The following RPS6KC1 variants were observed in gnomAD, a reference collection of about 807,000 sequenced individuals.
RPS6KC1 encodes the protein inactive ribosomal protein S6 kinase delta-1.
RPS6KC1 carries 54 observed loss-of-function variants against 103.8 expected under a neutral mutation model. The observed-to-expected ratio is 0.52, with a 90% confidence interval of 0.42 to 0.65. RPS6KC1 has a LOEUF of 0.65. Among genes scored for constraint, RPS6KC1 ranks in the 30% least tolerant of loss-of-function variants. The pLI is 0.00. For missense variants in RPS6KC1, 1,151 were observed against 1,253.8 expected, an observed-to-expected ratio of 0.92 and a Z score of 1.24; for synonymous variants, 439 against 438.7, an observed-to-expected ratio of 1.00 and a Z score of -0.01.
intron 4 of RPS6KC1, among the ~76,000 whole-genome samples, chr1:213,108,772 C>T (rs1284397161): frequency 1.3e-5 from 2 of 151,874 alleles, no homozygotes. Flanking sequence ...CCTCCCACCT[C>T]AGCCTCCCAA....
chr1:213,153,855 G>A (rs1490080158), intron 6 of RPS6KC1, among the ~76,000 whole-genome samples: 1 of 152,076 alleles, frequency 6.6e-6, no homozygotes, highest in Admixed American at 6.6e-5. Context: ...ACTCTTCTAG[G>A]GTAAATGTTT....
intron 8 of RPS6KC1, among the ~76,000 whole-genome samples, chr1:213,225,453 G>A (rs1332865616): frequency 2.0e-5 from 3 of 151,860 alleles, no homozygotes; most frequent in Non-Finnish European, 2.9e-5. Context: ...GGAGTGGCGC[G>A]ATCTCAATTC....
the RPS6KC1 span, among the ~76,000 whole-genome samples, chr1:213,714,205 G>A: frequency 6.6e-6 from 1 of 152,204 alleles, no homozygotes; most frequent in Non-Finnish European, 1.5e-5. Context: ...ACCACATAGT[G>A]TAGGCCAACT....
At chr1:213,258,390 A>G (rs146486724) in intron 12 of RPS6KC1, among the ~76,000 whole-genome samples, 1 of 152,244 alleles carries the variant, frequency 6.6e-6, no homozygotes, top group African/African-American at 2.4e-5. Context: ...ATGATTAAAG[A>G]AAATGGAGCA....
the RPS6KC1 span, among the ~76,000 whole-genome samples, chr1:213,325,254 C>T: frequency 6.6e-6 from 1 of 152,190 alleles, no homozygotes; most frequent in Non-Finnish European, 1.5e-5. Flanking sequence ...CTCAATTACT[C>T]CGGCATCCGG....
At chr1:213,426,686 C>T in the RPS6KC1 span, among the ~76,000 whole-genome samples, 2 of 152,078 alleles carry the variant, frequency 1.3e-5, no homozygotes, top group South Asian at 2.1e-4. Flanking sequence ...TCACTGCTGC[C>T]GTTTAAATAG....
At chr1:213,228,819 A>C (rs569119868) in intron 8 of RPS6KC1, among the ~76,000 whole-genome samples, 33 of 152,322 alleles carry the variant, frequency 2.2e-4, no homozygotes, top group African/African-American at 6.0e-4. Flanking sequence ...TATAGCACAT[A>C]GTAAATGCTT....
At chr1:213,093,134 A>G (rs146800900) in intron 3 of RPS6KC1, among the ~76,000 whole-genome samples, 2 of 152,122 alleles carry the variant, frequency 1.3e-5, no homozygotes, top group African/African-American at 2.4e-5. Flanking sequence ...TTCATTTGTA[A>G]TGTTTGATAA....
chr1:213,240,798 T>C lies in RPS6KC1; in HGVS notation c.1322T>C (p.Val441Ala). 6.2e-7 allele frequency: 1 copy of C among 1,613,872 alleles called. No homozygotes were observed. Among genetic ancestry groups the C allele is most frequent in the South Asian group, 1.1e-5 (1 of 91,062 alleles). The change falls in exon 11 of 15, where the codon GTT (valine) becomes GCT (alanine). Residue 441 changes from valine to alanine, a missense_variant. Transcript: ENST00000366960. Reference protein sequence around the residue: ...KEVKKPTLAKVHLQQPTSSPQ... With the variant: ...KEVKKPTLAKAHLQQPTSSPQ... Reference sequence around the variant, plus strand: ...GTGAAAAAACCTACACTTGCAAAAGTTCACCTGCAGCAGCCAACTTCTAGT... The same window carrying C: ...GTGAAAAAACCTACACTTGCAAAAGCTCACCTGCAGCAGCCAACTTCTAGT...
chr1:213,659,281 T>C, the RPS6KC1 span, among the ~76,000 whole-genome samples: 2 of 152,144 alleles, frequency 1.3e-5, no homozygotes, highest in Non-Finnish European at 2.9e-5. Context: ...GATATTCTTA[T>C]AGGGAGGAAG....
At chr1:213,309,677 C>G in the RPS6KC1 span, among the ~76,000 whole-genome samples, 1 of 152,086 alleles carries the variant, frequency 6.6e-6, no homozygotes, top group Non-Finnish European at 1.5e-5. Context: ...TTCTCCTCTT[C>G]TCTTAGTTAT....
At chr1:213,317,717 C>T in the RPS6KC1 span, among the ~76,000 whole-genome samples, 1 of 152,328 alleles carries the variant, frequency 6.6e-6, no homozygotes, top group Non-Finnish European at 1.5e-5. Context: ...TGAAATCTAT[C>T]ACCTTTCTCT....
At chr1:213,150,332 T>G (rs1390242903) in intron 6 of RPS6KC1, among the ~76,000 whole-genome samples, 1 of 149,644 alleles carries the variant, frequency 6.7e-6, no homozygotes, top group East Asian at 1.9e-4. Flanking sequence ...ATTTATTTTT[T>G]ATTGATAATT....
intron 12 of RPS6KC1, among the ~76,000 whole-genome samples, chr1:213,256,124 C>T (rs1468820005): frequency 1.3e-5 from 2 of 152,194 alleles, no homozygotes; most frequent in African/African-American, 2.4e-5. Flanking sequence ...TTCAGCCTAG[C>T]TGCCTTCATA....
intron 6 of RPS6KC1, among the ~76,000 whole-genome samples, chr1:213,167,375 A>G (rs557744327): frequency 5.3e-4 from 81 of 151,524 alleles, no homozygotes; most frequent in African/African-American, 1.9e-3. Context: ...AGTTCACTTC[A>G]GTTCAGCAAA....
chr1:213,714,225 T>A, the RPS6KC1 span, among the ~76,000 whole-genome samples: 155 of 152,376 alleles, frequency 1.0e-3, 3 homozygotes, highest in East Asian at 0.026. Context: ...TGACTTAATG[T>A]GTGCAAATTT....
At chr1:213,665,199 A>AAACAAC in the RPS6KC1 span, among the ~76,000 whole-genome samples, 1,077 of 151,052 alleles carry the variant, frequency 7.1e-3, 12 homozygotes, top group African/African-American at 0.024. Flanking sequence ...AAACAAGCAA[A>AAACAAC]AACAACAACA....
At chr1:213,225,722 T>C (rs920110378) in intron 8 of RPS6KC1, among the ~76,000 whole-genome samples, 3 of 152,174 alleles carry the variant, frequency 2.0e-5, no homozygotes, top group Non-Finnish European at 2.9e-5. Context: ...GCTTCATGCT[T>C]CATGACTAAG....
chr1:213,818,426 G>A, the RPS6KC1 span: 1 of 152,260 alleles, frequency 6.6e-6, no homozygotes, highest in Non-Finnish European at 1.5e-5. Flanking sequence ...TGCTGATAGG[G>A]AGAAAGTGTT....
Sources: allele counts gnomAD v4.1 joint callset (sites outside exome capture counted in the v4.1 genomes callset), GRCh38; gene constraint gnomAD v4.1.1; transcripts MANE v1.5; gene names NCBI Gene and HGNC (gene_info 2026-07-23, HGNC 2026-07-21).